Variants in AGBL4 observed in about 807,000 individuals in gnomAD.
AGBL4 encodes cytosolic carboxypeptidase 6.
Under a neutral mutation model 66.4 loss-of-function variants are expected in AGBL4, and 58 were observed. That is an observed-to-expected ratio of 0.87 (90% confidence interval 0.71 to 1.09). The LOEUF (loss-of-function observed/expected upper bound fraction) is 1.09. Among genes scored for constraint, AGBL4 ranks in the 50% least tolerant of loss-of-function variants. The pLI, the probability that AGBL4 is intolerant of heterozygous loss-of-function variation, is 0.00. For missense variants in AGBL4, 579 were observed against 631.0 expected (o/e 0.92, Z 0.88); for synonymous variants, 234 against 222.9 (o/e 1.05, Z -0.44).
intron 3 of AGBL4, among the ~76,000 whole-genome samples, chr1:49,568,762 T>C (rs1383230859): frequency 1.3e-5 from 2 of 152,154 alleles, no homozygotes; most frequent in African/African-American, 2.4e-5. Context: ...CAAACTATAC[T>C]GCAGGGCTAC....
At chr1:49,992,899 T>C (rs1220256494) in intron 1 of AGBL4, among the ~76,000 whole-genome samples, 1 of 152,222 alleles carries the variant, frequency 6.6e-6, no homozygotes, top group African/African-American at 2.4e-5. Flanking sequence ...CTATTTCCCT[T>C]GCAGTCCTCT....
intron 3 of AGBL4, among the ~76,000 whole-genome samples, chr1:49,593,234 TCTCAACTA>T (rs1644786660): frequency 6.6e-6 from 1 of 151,856 alleles, no homozygotes; most frequent in Non-Finnish European, 1.5e-5. Context: ...TGAAACCCCG[TCTCAACTA>T]AAAAAATACA....
chr1:49,982,748 C>T (rs560484146), intron 1 of AGBL4, among the ~76,000 whole-genome samples: 18 of 152,248 alleles, frequency 1.2e-4, no homozygotes, highest in African/African-American at 3.4e-4. Flanking sequence ...CAGACTCAGA[C>T]GTCAGGACAA....
chr1:48,939,485 G>A (rs552049115), intron 5 of AGBL4, among the ~76,000 whole-genome samples: 2 of 152,188 alleles, frequency 1.3e-5, no homozygotes, highest in Non-Finnish European at 2.9e-5. Context: ...TCAAACTGCT[G>A]TGAAAACAAA....
chr1:48,736,502 T>A lies in AGBL4; in HGVS notation c.635-73261A>T, dbSNP rs1463671193. 2 of 1,515,116 alleles carry A rather than the reference T, an allele frequency of 1.3e-6. No homozygotes were observed. The highest frequency in any genetic ancestry group is 1.8e-6 in the Non-Finnish European group (2 of 1,094,444). The allele number at this position is 1,515,116 out of a possible 1,614,324, so 93.9% of individuals were successfully genotyped here. A position where few individuals can be genotyped will look rare whatever the true frequency, so the allele number is the denominator to read the frequency against. On this transcript the variant is annotated intron_variant, in intron 6 of 13. Transcript: ENST00000371839. The surrounding 1 kb of genome is among the most constrained non-coding windows in gnomAD (Gnocchi z 4.0). The stretch of plus-strand genomic sequence containing the variant: ...CCTGTTTAGTCCGACAGGAGGGCAG[T>A]GGGAGGCTTCTCTTGTCCTTTAAAA...
intron 4 of AGBL4, among the ~76,000 whole-genome samples, chr1:49,082,427 C>T (rs1013472452): frequency 3.3e-5 from 5 of 152,172 alleles, no homozygotes; most frequent in Admixed American, 6.5e-5. Flanking sequence ...CTGGGAAGGC[C>T]TCACAATCAT....
chr1:49,460,722 T>C (rs988729913), intron 3 of AGBL4, among the ~76,000 whole-genome samples: 1 of 151,732 alleles, frequency 6.6e-6, no homozygotes, highest in African/African-American at 2.4e-5. Context: ...AAGGAGGTTC[T>C]ATTTTGGTGT....
chr1:48,786,968 G>A (rs188227895), intron 6 of AGBL4, among the ~76,000 whole-genome samples: 27 of 152,284 alleles, frequency 1.8e-4, no homozygotes, highest in Non-Finnish European at 1.9e-4. Flanking sequence ...AGGAATGCTT[G>A]CCTTGTGCTA....
chr1:49,976,006 T>C (rs1195174904), intron 1 of AGBL4, among the ~76,000 whole-genome samples: 2 of 152,212 alleles, frequency 1.3e-5, no homozygotes, highest in Non-Finnish European at 2.9e-5. Flanking sequence ...GTGTCAGTTA[T>C]GTCTGTTTAA....
chr1:48,737,036 C>T (rs111440523), intron 6 of AGBL4, among the ~76,000 whole-genome samples: 26 of 152,216 alleles, frequency 1.7e-4, no homozygotes, highest in Admixed American at 2.0e-4. Context: ...GTAATCCCAG[C>T]ACTTTGGGAG....
At chr1:49,966,452 C>T (rs758410834) in intron 1 of AGBL4, among the ~76,000 whole-genome samples, 6 of 152,260 alleles carry the variant, frequency 3.9e-5, no homozygotes, top group African/African-American at 7.2e-5. Flanking sequence ...GTGTTCTTAA[C>T]TATCCTGCTA....
intron 4 of AGBL4, among the ~76,000 whole-genome samples, chr1:49,071,078 T>A (rs1644594106): frequency 6.6e-6 from 1 of 151,964 alleles, no homozygotes; most frequent in Non-Finnish European, 1.5e-5. Context: ...TTCTGTGGGA[T>A]TGGTGGTGAT....
chr1:49,025,911 T>A (rs1481936763), intron 5 of AGBL4, among the ~76,000 whole-genome samples: 2 of 152,184 alleles, frequency 1.3e-5, no homozygotes, highest in African/African-American at 4.8e-5. Flanking sequence ...ATATTTGGCA[T>A]TTGCTCAGAG....
At chr1:49,642,971 G>GA (rs1268131041) in intron 3 of AGBL4, among the ~76,000 whole-genome samples, 1 of 151,848 alleles carries the variant, frequency 6.6e-6, no homozygotes, top group Non-Finnish European at 1.5e-5. Context: ...CACAGTGAGG[G>GA]AAAAAACAAC....
intron 2 of AGBL4, among the ~76,000 whole-genome samples, chr1:49,733,734 G>A (rs555866958): frequency 4.6e-5 from 7 of 152,282 alleles, no homozygotes; most frequent in African/African-American, 1.7e-4. Context: ...TAAAAAGCCT[G>A]TAGAAGTATA....
chr1:49,053,976 C>T (rs1644265735), intron 4 of AGBL4, among the ~76,000 whole-genome samples: 1 of 152,080 alleles, frequency 6.6e-6, no homozygotes, highest in Non-Finnish European at 1.5e-5. Context: ...CAAAATACTA[C>T]AATTTACACA....
intron 4 of AGBL4, among the ~76,000 whole-genome samples, chr1:49,234,579 C>A (rs531552376): frequency 6.6e-6 from 1 of 152,298 alleles, no homozygotes; most frequent in Non-Finnish European, 1.5e-5. Flanking sequence ...TATCAGTGGA[C>A]TATGCCAATT....
intron 3 of AGBL4, among the ~76,000 whole-genome samples, chr1:49,684,281 C>T (rs766584028): frequency 6.6e-6 from 1 of 152,094 alleles, no homozygotes; most frequent in South Asian, 2.1e-4. Context: ...CAGCCAAAAA[C>T]CCATAGCTTT....
chr1:49,719,776 G>A (rs1168436343), intron 2 of AGBL4, among the ~76,000 whole-genome samples: 2 of 151,990 alleles, frequency 1.3e-5, no homozygotes, highest in African/African-American at 2.4e-5. Context: ...ATTTAACCAT[G>A]GAGATGTTTA....
Sources: allele counts gnomAD v4.1 joint callset (sites outside exome capture counted in the v4.1 genomes callset), GRCh38; gene constraint gnomAD v4.1.1; non-coding constraint Gnocchi (gnomAD v3.1); transcripts MANE v1.5; gene names NCBI Gene and HGNC (gene_info 2026-07-23, HGNC 2026-07-21).